MAGI1: variants seen among roughly 807,000 people sequenced by gnomAD.
MAGI1 encodes the protein membrane associated guanylate kinase, WW and PDZ domain containing 1.
In MAGI1, 58 loss-of-function variants were observed where a neutral mutation model predicts 139.9. The observed-to-expected ratio is 0.41, with a 90% CI of 0.34 to 0.52. The LOEUF (loss-of-function observed/expected upper bound fraction) is 0.52. Among genes scored for constraint, MAGI1 ranks in the 20% least tolerant of loss-of-function variants. The probability of loss-of-function intolerance (pLI) is 0.12; values close to 1 mark genes in which losing one functional copy is unlikely to be tolerated. For missense variants in MAGI1, 1,874 were observed against 1,901.6 expected (o/e 0.99, Z 0.27); for synonymous variants, 812 against 737.9 (o/e 1.10, Z -1.63).
At chr3:65,906,895 A>T (rs545776509) in intron 1 of MAGI1, among the ~76,000 whole-genome samples, 45 of 152,114 alleles carry the variant, frequency 3.0e-4, no homozygotes, top group African/African-American at 1.0e-3. Context: ...TAAAAAAAAA[A>T]AAAAAATCTA....
intron 1 of MAGI1, among the ~76,000 whole-genome samples, chr3:65,861,050 G>C (rs966605908): frequency 1.3e-5 from 2 of 152,116 alleles, no homozygotes; most frequent in African/African-American, 4.8e-5. Flanking sequence ...CATCTCCATG[G>C]ATGTGAGAGG....
intron 1 of MAGI1, among the ~76,000 whole-genome samples, chr3:65,814,085 C>A (rs1575589430): frequency 6.6e-6 from 1 of 151,782 alleles, no homozygotes; most frequent in Non-Finnish European, 1.5e-5. Flanking sequence ...TAAAAATATA[C>A]ACAAACTAAA....
intron 1 of MAGI1, among the ~76,000 whole-genome samples, chr3:65,667,109 G>C (rs1226388466): frequency 6.6e-6 from 1 of 152,066 alleles, no homozygotes; most frequent in Non-Finnish European, 1.5e-5. Flanking sequence ...GAGGAAAAAA[G>C]GTGTTCAAAT....
At chr3:65,919,766 G>A (rs1576045878) in intron 1 of MAGI1, among the ~76,000 whole-genome samples, 1 of 151,888 alleles carries the variant, frequency 6.6e-6, no homozygotes, top group African/African-American at 2.4e-5. Flanking sequence ...TGTTAACAGT[G>A]ACCATTATAC....
chr3:65,407,849 G>A (rs1044895180), intron 12 of MAGI1, among the ~76,000 whole-genome samples: 1 of 152,144 alleles, frequency 6.6e-6, no homozygotes, highest in Non-Finnish European at 1.5e-5. Context: ...TATGTAGCAT[G>A]CCTGGACAAT....
At chr3:65,643,368 T>C (rs1316852780) in intron 1 of MAGI1, among the ~76,000 whole-genome samples, 1 of 152,206 alleles carries the variant, frequency 6.6e-6, no homozygotes, top group East Asian at 1.9e-4. Context: ...TATAGTCAAG[T>C]CAATGTCTCA....
At chr3:65,398,576 A>G (rs1944595851) in intron 13 of MAGI1, among the ~76,000 whole-genome samples, 1 of 152,184 alleles carries the variant, frequency 6.6e-6, no homozygotes, top group Admixed American at 6.5e-5. Context: ...CTGACTTAAA[A>G]TTCAGGGTTT....
chr3:65,599,019 C>A lies in MAGI1; in HGVS notation c.430+22953G>T, dbSNP rs146567069. Among the ~76,000 whole-genome samples the A allele has an allele frequency of 7.2e-3, 1,097 of 152,264 alleles. 41 individuals carry two copies. Among genetic ancestry groups the A allele is most frequent in the Admixed American group, 0.066 (1,008 of 15,304 alleles). ...ATCCACTGCCTTCCTTCTCATAATC[C>A]AGGTGCTACAGAGTCACGTGCAAGC... is the stretch of plus-strand genomic sequence containing the variant. On this transcript the variant is annotated intron_variant, in intron 2 of 22. Coordinates refer to ENST00000402939, the MANE Select transcript of MAGI1 (RefSeq NM_001033057.2).
At chr3:65,957,469 C>T (rs1361892713) in intron 1 of MAGI1, among the ~76,000 whole-genome samples, 2 of 140,492 alleles carry the variant, frequency 1.4e-5, no homozygotes, top group Non-Finnish European at 3.0e-5. Flanking sequence ...TGCAATAAGC[C>T]ATGATTGCAC....
intron 1 of MAGI1, among the ~76,000 whole-genome samples, chr3:65,713,492 T>C (rs2031784516): frequency 6.6e-6 from 1 of 152,094 alleles, no homozygotes; most frequent in Non-Finnish European, 1.5e-5. Context: ...CCTTCCAATA[T>C]AATACTGGCT....
At chr3:65,794,484 G>A (rs531349788) in intron 1 of MAGI1, among the ~76,000 whole-genome samples, 2 of 152,138 alleles carry the variant, frequency 1.3e-5, no homozygotes, top group South Asian at 4.2e-4. Context: ...CTCAATCTCT[G>A]AGCTCACCTG....
intron 2 of MAGI1, among the ~76,000 whole-genome samples, chr3:65,590,725 T>C (rs772064546): frequency 5.9e-5 from 9 of 152,176 alleles, no homozygotes; most frequent in Non-Finnish European, 1.0e-4. Flanking sequence ...ACATCACTAC[T>C]GTGCCCAGGA....
At chr3:65,484,654 A>C (rs1951512541) in intron 3 of MAGI1, among the ~76,000 whole-genome samples, 1 of 151,030 alleles carries the variant, frequency 6.6e-6, no homozygotes, top group Admixed American at 6.6e-5. Flanking sequence ...TGTTCTTTTC[A>C]CTCTGACCTC....
intron 2 of MAGI1, among the ~76,000 whole-genome samples, chr3:65,548,463 C>T (rs1314898137): frequency 6.6e-6 from 1 of 150,764 alleles, no homozygotes; most frequent in Non-Finnish European, 1.5e-5. Flanking sequence ...CCCTTTTCAA[C>T]TCCTCTCCAT....
At chr3:65,823,373 A>G (rs1225360919) in intron 1 of MAGI1, among the ~76,000 whole-genome samples, 1 of 150,942 alleles carries the variant, frequency 6.6e-6, no homozygotes, top group African/African-American at 2.4e-5. Context: ...GATGTTAGCT[A>G]TCTTGTTCTG....
intron 2 of MAGI1, among the ~76,000 whole-genome samples, chr3:65,571,470 A>G (rs369883146): frequency 2.1e-4 from 32 of 152,182 alleles, no homozygotes; most frequent in South Asian, 8.3e-4. Flanking sequence ...CCCTAGCTAA[A>G]ATTTCAGAAG....
intron 1 of MAGI1, among the ~76,000 whole-genome samples, chr3:65,999,099 T>A (rs12631646): frequency 0.086 from 13,016 of 152,130 alleles, 771 homozygotes; most frequent in East Asian, 0.25. Context: ...CCGGGGTACA[T>A]GTGCAGGATG....
At chr3:65,364,994 A>G in intron 18 of MAGI1, 48 bp from the exon 19 acceptor site, 1 of 1,502,434 alleles carries the variant, frequency 6.7e-7, no homozygotes, top group Non-Finnish European at 9.3e-7. Context: ...CAGAGAAGAC[A>G]TCCTCCAGCC....
intron 1 of MAGI1, among the ~76,000 whole-genome samples, chr3:65,910,907 G>C (rs1485989910): frequency 8.8e-6 from 1 of 113,666 alleles, no homozygotes; most frequent in African/African-American, 3.5e-5. Context: ...GCCCAGGCTG[G>C]AGTGCAGTGG....
Sources: allele counts gnomAD v4.1 joint callset (sites outside exome capture counted in the v4.1 genomes callset), GRCh38; gene constraint gnomAD v4.1.1; transcripts MANE v1.5; gene names NCBI Gene and HGNC (gene_info 2026-07-23, HGNC 2026-07-21).